The following WIPF1 variants were observed in gnomAD, a reference collection of about 807,000 sequenced individuals.
The protein encoded by WIPF1 is WAS/WASL-interacting protein family member 1.
A neutral mutation model predicts 35.4 loss-of-function variants in WIPF1; 13 were observed. The ratio of observed to expected loss-of-function variants is 0.37; its 90% confidence interval spans 0.24 to 0.58. The LOEUF is 0.58. Ranked by LOEUF, WIPF1 falls within the 20% of genes least tolerant of loss-of-function variation. The pLI is 0.74. For missense variants in WIPF1, 591 were observed against 667.0 expected, an observed-to-expected ratio of 0.89 and a Z score of 1.25; for synonymous variants, 267 against 266.3, an observed-to-expected ratio of 1.00 and a Z score of -0.02.
At chr2:174,647,410 G>C (rs1322263445) in intron 1 of WIPF1, among the ~76,000 whole-genome samples, 2 of 150,764 alleles carry the variant, frequency 1.3e-5, no homozygotes, top group Admixed American at 1.3e-4. Context: ...GTCTTGCTCT[G>C]TCACCTAGGC....
chr2:174,608,927 C>G (rs2105895456), intron 1 of WIPF1, among the ~76,000 whole-genome samples: 1 of 152,316 alleles, frequency 6.6e-6, no homozygotes, highest in East Asian at 1.9e-4. Flanking sequence ...TTCTCAGGAA[C>G]AAGGGTAAAT....
At position 174,665,019 on chromosome 2, in the gene WIPF1, A is replaced by C. The variant is rs189877917; in HGVS notation, c.-39+17755T>G. ...AATATTATATTAACAATACCACTAT[A>C]GAAATTGATTACCAGTCTAGTTGCA... On this transcript the variant is annotated intron_variant, in intron 1 of 8. Coordinates refer to the WIPF1 transcript ENST00000272746. Among the ~76,000 whole-genome samples the C allele has an allele frequency of 2.0e-5, 3 of 152,312 alleles. No individual in the cohort carries two copies. The East Asian group carries it at 5.8e-4, about 29-fold the overall frequency.
At chr2:174,598,448 A>T (rs1300018571), upstream of WIPF1, among the ~76,000 whole-genome samples, 1 of 152,120 alleles carries the variant, frequency 6.6e-6, no homozygotes, top group Admixed American at 6.5e-5. Flanking sequence ...AGTAGCTGAG[A>T]CTACAGGCAT....
intron 1 of WIPF1, among the ~76,000 whole-genome samples, chr2:174,613,575 TAGAC>T (rs1050894492): frequency 1.3e-5 from 2 of 152,220 alleles, no homozygotes; most frequent in Non-Finnish European, 2.9e-5. Context: ...ATTTCTAAAT[TAGAC>T]AGGCAGATGC....
chr2:174,667,899 C>A (rs1687926266), intron 1 of WIPF1, among the ~76,000 whole-genome samples: 1 of 152,210 alleles, frequency 6.6e-6, no homozygotes, highest in South Asian at 2.1e-4. Flanking sequence ...TTCTCTCACC[C>A]CCAAAATGAC....
Position 174,571,983 on chromosome 2 carries a change from C to A in WIPF1, c.822G>T (p.Arg274Ser). ...PPPPPPPVGN[R>S]PSIHREAVPP... Reference sequence around the variant, plus strand: ...GAACCGCTTCCCTGTGGATGGAGGGCCTGTTGCCCACTGGAGGAGGTGGTG... The same window carrying A: ...GAACCGCTTCCCTGTGGATGGAGGGACTGTTGCCCACTGGAGGAGGTGGTG... The change falls in exon 5 of 8, where the codon AGG becomes AGT. Residue 274 changes from arginine to serine, a missense_variant. Physicochemically the swap from Arg to Ser is moderately radical, Grantham distance 110. Around this residue, in one of 3 missense-constraint regions of WIPF1, gnomAD observed 471 missense variants for 501.1 expected, o/e 0.94. Transcript: ENST00000679041. This position sits in a 1 kb window ranked among gnomAD's most constrained non-coding sequence, Gnocchi z 4.6. 1 of 1,555,532 alleles carries A rather than the reference C, an allele frequency of 6.4e-7. No individual in the cohort carries two copies. Among genetic ancestry groups the A allele is most frequent in the Non-Finnish European group, 8.7e-7 (1 of 1,153,410 alleles).
At chr2:174,600,766 A>G (rs377447126), upstream of WIPF1, among the ~76,000 whole-genome samples, 13 of 152,268 alleles carry the variant, frequency 8.5e-5, no homozygotes, top group East Asian at 1.3e-3. Context: ...GACCTTGTCC[A>G]TCTTGTTTCT....
chr2:174,669,638 T>C (rs766979729), intron 1 of WIPF1, among the ~76,000 whole-genome samples: 1 of 152,236 alleles, frequency 6.6e-6, no homozygotes, highest in Non-Finnish European at 1.5e-5. Flanking sequence ...TCCCAGCTAC[T>C]TGGGAGGCTG....
intron 1 of WIPF1, among the ~76,000 whole-genome samples, chr2:174,608,465 A>G (rs1330271342): frequency 6.6e-6 from 1 of 152,236 alleles, no homozygotes; most frequent in Non-Finnish European, 1.5e-5. Flanking sequence ...CTTTGAAGAG[A>G]AAATGATTTC....
chr2:174,645,388 A>C (rs1005432495), intron 1 of WIPF1, among the ~76,000 whole-genome samples: 1 of 152,168 alleles, frequency 6.6e-6, no homozygotes, highest in Non-Finnish European at 1.5e-5. Context: ...TCTGTCTCTG[A>C]GAGAAATTTA....
intron 1 of WIPF1, chr2:174,655,877 T>C (rs1687629874): frequency 6.6e-6 from 1 of 152,278 alleles, no homozygotes; most frequent in South Asian, 2.1e-4. Context: ...CTGGTAAATA[T>C]TAGTTGACTG....
upstream of WIPF1, among the ~76,000 whole-genome samples, chr2:174,599,593 A>T (rs1272316808): frequency 6.6e-6 from 1 of 152,188 alleles, no homozygotes; most frequent in Non-Finnish European, 1.5e-5. Flanking sequence ...TACAGCTATC[A>T]GCCACTTCCC....
intron 7 of WIPF1, among the ~76,000 whole-genome samples, chr2:174,564,275 C>T (rs766420068): frequency 6.6e-6 from 1 of 152,074 alleles, no homozygotes; most frequent in Non-Finnish European, 1.5e-5. Context: ...ATATTTAAGG[C>T]AAATCTACAA....
At chr2:174,644,266 G>T (rs1253191554) in intron 1 of WIPF1, among the ~76,000 whole-genome samples, 1 of 152,140 alleles carries the variant, frequency 6.6e-6, no homozygotes, top group Admixed American at 6.5e-5. Context: ...AAACATCAGA[G>T]AACTACATAG....
chr2:174,635,529 G>T (rs4972703), intron 1 of WIPF1, among the ~76,000 whole-genome samples: 86,906 of 116,334 alleles, frequency 0.75, 31,587 homozygotes, highest in East Asian at 0.9. Flanking sequence ...CCTTCTGTTT[G>T]TTTTTTTTTT....
chr2:174,586,563 G>A (rs1216521779), intron 1 of WIPF1, among the ~76,000 whole-genome samples: 1 of 152,050 alleles, frequency 6.6e-6, no homozygotes, highest in South Asian at 2.1e-4. Flanking sequence ...AGAGACGATG[G>A]CCAGGAAGTG....
intron 1 of WIPF1, among the ~76,000 whole-genome samples, chr2:174,603,852 C>G (rs2105886331): frequency 6.6e-6 from 1 of 152,182 alleles, no homozygotes; most frequent in South Asian, 2.1e-4. Context: ...TTCCAAACAC[C>G]AGAATCCTGA....
intron 3 of WIPF1, among the ~76,000 whole-genome samples, chr2:174,580,732 G>C (rs950959739): frequency 6.6e-6 from 1 of 152,200 alleles, no homozygotes; most frequent in Non-Finnish European, 1.5e-5. Context: ...ACTTAGGTGG[G>C]TTGATAACTG....
At chr2:174,672,311 A>C (rs879548847) in intron 1 of WIPF1, among the ~76,000 whole-genome samples, 1 of 152,234 alleles carries the variant, frequency 6.6e-6, no homozygotes, top group Admixed American at 6.5e-5. Flanking sequence ...TATTGGATGT[A>C]AATAAAATCT....
Sources: gnomAD v4.1 joint callset for allele counts (sites outside exome capture counted in the v4.1 genomes callset) on GRCh38, gnomAD v4.1.1 for gene constraint, gnomAD v4.1.1 regional missense constraint, Gnocchi (gnomAD v3.1) non-coding constraint, MANE v1.5 for transcripts, NCBI Gene and HGNC (gene_info 2026-07-23, HGNC 2026-07-21) for gene names.